Variants in ITIH1 observed in about 807,000 individuals in gnomAD.
The protein encoded by ITIH1 is inter-alpha-trypsin inhibitor heavy chain H1.
In ITIH1, 94 loss-of-function variants were observed where a neutral mutation model predicts 104.6. The observed-to-expected ratio is 0.90, with a 90% confidence interval of 0.76 to 1.07. ITIH1 has a LOEUF of 1.07. Ranked by LOEUF, ITIH1 falls within the 50% of genes least tolerant of loss-of-function variation. The pLI, the probability that ITIH1 is intolerant of heterozygous loss-of-function variation, is 0.00. For synonymous variants in ITIH1, 455 were observed against 464.4 expected (o/e 0.98, Z 0.26); for missense variants, 1,193 against 1,181.4 (o/e 1.01, Z -0.14).
Position 52,786,340 on chromosome 3 carries a change from A to G in ITIH1, c.1639A>G (p.Met547Val), listed in dbSNP as rs138192866. The change falls in exon 13 of 22, where the codon ATG becomes GTG. Residue 547 changes from methionine (M) to valine (V), a missense_variant. Coordinates refer to ENST00000273283, the MANE Select transcript of ITIH1 (RefSeq NM_002215.4). ...SITCLVDEEE[M>V]KKLLRERGHM... The stretch of plus-strand genomic sequence containing the variant: ...AACCTGCCTAGTGGATGAGGAGGAG[A>G]TGAAGAAACTGCTCCGAGAGCGTGG... The G allele has an allele frequency of 6.8e-5, 107 of 1,574,704 alleles. No individual in the cohort carries two copies. The African/African-American group carries it at 1.3e-3, about 19-fold the overall frequency.
chr3:52,784,377 G>T lies in ITIH1; in HGVS notation c.1307G>T (p.Gly436Val). ...GRFPLYNLGF[G>V]HNVDFNFLEV... ...TTCCCGCTCTACAACCTGGGTTTCG[G>T]CCACAATGTGGACTTTAACTTTCTG... Residue 436 changes from glycine (G) to valine (V), a missense_variant, in exon 11 of 22, where the codon GGC becomes GTC. Transcript: ENST00000273283. 2.5e-6 allele frequency: 4 copies of T among 1,614,182 alleles called. No individual in the cohort carries two copies. The highest frequency in any genetic ancestry group is 3.4e-6 in the Non-Finnish European group (4 of 1,180,022).
rs774126958 is a variant in ITIH1 at position 52,790,860 on chromosome 3, C to T, written c.2433C>T (p.Asp811=). 1.2e-6 allele frequency: 2 copies of T among 1,612,884 alleles called. No homozygotes were observed. Among genetic ancestry groups the T allele is most frequent in the Non-Finnish European group, 1.7e-6 (2 of 1,179,530 alleles). ...GGAAGGGGAGCTCGGTCCACCAGGA[C>T]TTCCTGGGCTTCTATGTGCTGGACA... ...RVWKGSSVHQ[D]FLGFYVLDSH... The change falls in exon 20 of 22, where the codon GAC becomes GAT. Residue 811 remains aspartate, a synonymous_variant. Transcript: ENST00000273283.
chr3:52,791,741 C>A, intron 21 of ITIH1, 41 bp from the exon 22 acceptor site: 1 of 1,606,404 alleles, frequency 6.2e-7, no homozygotes, highest in Non-Finnish European at 8.5e-7. Context: ...TGCTGCCCTA[C>A]TGGTCCGAAG....
intron 6 of ITIH1, among the ~76,000 whole-genome samples, chr3:52,781,290 T>C (rs199945258): frequency 2.8e-4 from 20 of 71,822 alleles, no homozygotes; most frequent in South Asian, 1.1e-3. Flanking sequence ...CTTCTTCCTC[T>C]TCTTCTTCTT....
chr3:52,791,858 G>T lies in ITIH1; in HGVS notation c.2683G>T (p.Ala895Ser), dbSNP rs752838087. The change falls in exon 22 of 22, where the codon GCT (alanine) becomes TCT (serine). Residue 895 changes from alanine to serine, a missense_variant. Physicochemically the swap from Ala to Ser is moderately conservative, Grantham distance 99. Coordinates refer to ENST00000273283, the MANE Select transcript of ITIH1 (RefSeq NM_002215.4). ...CTGCTGGTTCATTCACAACAATGGG[G>T]CTGGACTCATCGATGGTGCCTACAC... ...VSCWFIHNNG[A>S]GLIDGAYTDY... is the part of the protein sequence containing the mutation. The T allele has an allele frequency of 6.2e-7, 1 of 1,614,200 alleles. No individual in the cohort carries two copies. Among genetic ancestry groups the T allele is most frequent in the East Asian group, 2.2e-5 (1 of 44,882 alleles).
rs1226691914 is a variant in ITIH1, at chr3:52,781,975, G to T, written c.723G>T (p.Gln241His). 2 of 1,614,188 alleles carry T rather than the reference G, an allele frequency of 1.2e-6. No homozygotes were observed. The highest frequency in any genetic ancestry group is 2.2e-5 in the South Asian group (2 of 91,084). ...TGTTCCGTCCCACCGTGAGCCAGCAGCAGTCCTGCCCCACATGCTCTACAT... is the reference window on the plus strand; with the variant it reads ...TGTTCCGTCCCACCGTGAGCCAGCATCAGTCCTGCCCCACATGCTCTACAT... Reference protein sequence around the residue: ...HVLFRPTVSQQQSCPTCSTSL... With the variant: ...HVLFRPTVSQHQSCPTCSTSL... The change falls in exon 7 of 22, where the codon CAG becomes CAT. Residue 241 changes from glutamine to histidine, a missense_variant. Physicochemically the swap from Gln to His is conservative, Grantham distance 24. Transcript: ENST00000273283.
rs777741540 is a variant in ITIH1, at chr3:52,779,666, A to T, written c.573+72A>T. ...CCATGGCTCCCAACACTGGTTGAGC[A>T]CCCACCATGTGTCACCACCCAGGCC... On this transcript the variant is annotated intron_variant, in intron 5 of 21. Transcript: ENST00000273283. This position sits in a 1 kb window ranked among gnomAD's most constrained non-coding sequence, Gnocchi z 4.4. 2.6e-6 allele frequency: 4 copies of T among 1,552,588 alleles called. No individual in the cohort carries two copies. Among genetic ancestry groups the T allele is most frequent in the Admixed American group, 1.7e-5 (1 of 59,868 alleles).
At chr3:52,787,431 T>C (rs913760749) in intron 15 of ITIH1, among the ~76,000 whole-genome samples, 161 bp from the exon 16 acceptor site, 1 of 152,130 alleles carries the variant, frequency 6.6e-6, no homozygotes, top group South Asian at 2.1e-4. Context: ...GGTCCCCTCT[T>C]GGTGTGAGTG....
At chr3:52,790,524 A>G (rs1699325161) in intron 19 of ITIH1, 3 of 511,572 alleles carry the variant, frequency 5.9e-6, no homozygotes, top group Non-Finnish European at 1.0e-5. Context: ...TGAGGATTGA[A>G]TGATGCAGTT....
At chr3:52,777,943 G>C (rs1366390005) in intron 1 of ITIH1, 54 bp from the exon 2 acceptor site, 1 of 1,611,334 alleles carries the variant, frequency 6.2e-7, no homozygotes, top group African/African-American at 1.3e-5. Flanking sequence ...GAACTGGCAG[G>C]CCGGTGGTCC....
chr3:52,786,740 C>T (rs189840432), intron 13 of ITIH1, among the ~76,000 whole-genome samples: 5 of 152,296 alleles, frequency 3.3e-5, no homozygotes, highest in Admixed American at 3.3e-4. Context: ...TCAACCCCAC[C>T]GAATCTCCAA....
chr3:52,777,747 C>T lies in ITIH1; in HGVS notation c.117+15C>T. On this transcript the variant is annotated intron_variant, in intron 1 of 21. Transcript: ENST00000273283. ...AGAGCAGCGAGGTATATGGCTAAGC[C>T]CACAGGGCAGAAATAGGCAGCTGAA... 1 of 1,561,706 alleles carries T rather than the reference C, an allele frequency of 6.4e-7. No homozygotes were observed. Among genetic ancestry groups the T allele is most frequent in the East Asian group, 2.2e-5 (1 of 44,458 alleles).
intron 12 of ITIH1, 40 bp downstream of exon 12, chr3:52,785,269 A>T: frequency 6.3e-7 from 1 of 1,594,910 alleles, no homozygotes. Flanking sequence ...GCCAGGCAGC[A>T]CCCTAGAGGC....
chr3:52,784,245 C>T, intron 10 of ITIH1, 51 bp from the exon 11 acceptor site: 1 of 1,538,384 alleles, frequency 6.5e-7, no homozygotes, highest in Non-Finnish European at 8.9e-7. Flanking sequence ...CCTCGTGCCC[C>T]ACATGCCTGT....
At chr3:52,786,188 G>A in intron 12 of ITIH1, 107 bp from the exon 13 acceptor site, 1 of 1,105,446 alleles carries the variant, frequency 9.0e-7, no homozygotes, top group Non-Finnish European at 1.3e-6. Context: ...TGATGCTGAG[G>A]ACGAAGCTGC....
Position 52,779,027 on chromosome 3 carries a change from G to A in ITIH1, c.391G>A (p.Glu131Lys). Residue 131 changes from glutamate to lysine, a missense_variant, in exon 4 of 22, where the codon GAG (glutamate) becomes AAG (lysine). Transcript: ENST00000273283. The surrounding 1 kb of genome is among the most constrained non-coding windows in gnomAD (Gnocchi z 4.4). ...GTACCGGAAAGCAGCTATCTCAGGA[G>A]AGAATGCCGGCCTTGTCAGGTGAGT... ...KQYRKAAISG[E>K]NAGLVRASGR... The A allele has an allele frequency of 1.2e-6, 2 of 1,613,246 alleles. No homozygotes were observed. Among genetic ancestry groups the A allele is most frequent in the Non-Finnish European group, 8.5e-7 (1 of 1,179,146 alleles).
At chr3:52,791,715 G>A in intron 21 of ITIH1, 67 bp from the exon 22 acceptor site, 1 of 1,606,460 alleles carries the variant, frequency 6.2e-7, no homozygotes, top group Non-Finnish European at 8.5e-7. Context: ...TGGGTGGGGT[G>A]AGCTTCCTGG....
rs1269549510 is a variant in ITIH1 at position 52,787,215 on chromosome 3, T to C, written c.1903+13T>C. On this transcript the variant is annotated intron_variant, in intron 15 of 21. Transcript: ENST00000273283. The stretch of plus-strand genomic sequence containing the variant: ...TCTCCGCCTTTGGGTGAGTTTTAAA[T>C]TGCATTAGTTTCAGTTCTGGGCTTC... The C allele has an allele frequency of 3.7e-6, 6 of 1,613,802 alleles. No homozygotes were observed. In the South Asian group the frequency reaches 5.5e-5, roughly 15 times the overall value.
chr3:52,780,943 G>A (rs540822259), intron 6 of ITIH1, among the ~76,000 whole-genome samples: 8 of 152,302 alleles, frequency 5.3e-5, no homozygotes, highest in East Asian at 3.9e-4. Flanking sequence ...CCCCCAACCC[G>A]AGCCAGGAAC....
Sources: allele counts gnomAD v4.1 joint callset (sites outside exome capture counted in the v4.1 genomes callset), GRCh38; gene constraint gnomAD v4.1.1; non-coding constraint Gnocchi (gnomAD v3.1); transcripts MANE v1.5; gene names NCBI Gene and HGNC (gene_info 2026-07-23, HGNC 2026-07-21).